The following IL1RAPL2 variants were observed in gnomAD, a reference collection of about 807,000 sequenced individuals.
IL1RAPL2 encodes X-linked interleukin-1 receptor accessory protein-like 2.
In IL1RAPL2, 3 loss-of-function variants were observed where a neutral mutation model predicts 44.1. That is an observed-to-expected ratio of 0.07 (90% CI 0.03 to 0.18). The LOEUF is 0.18. IL1RAPL2 is among the 10% of genes least tolerant of loss of function. IL1RAPL2 has a pLI of 1.00. For missense variants in IL1RAPL2, 391 were observed against 496.4 expected (o/e 0.79, Z 2.02); for synonymous variants, 181 against 178.8 (o/e 1.01, Z -0.10).
chrX:105,266,578 G>A (rs1341491401), intron 4 of IL1RAPL2, among the ~76,000 whole-genome samples: 1 of 111,904 alleles, frequency 8.9e-6, no homozygotes, highest in Non-Finnish European at 1.9e-5. Flanking sequence ...TTCTGGAAAA[G>A]TATTAAACAT....
At chrX:105,546,418 C>G (rs2147800559) in intron 6 of IL1RAPL2, among the ~76,000 whole-genome samples, 1 of 111,082 alleles carries the variant, frequency 9.0e-6, no homozygotes, top group African/African-American at 3.3e-5. Context: ...ACAAACAATA[C>G]AATGAGATCA....
chrX:104,882,846 G>A (rs1478382857), intron 2 of IL1RAPL2, among the ~76,000 whole-genome samples: 1 of 111,672 alleles, frequency 9.0e-6, no homozygotes, highest in African/African-American at 3.3e-5. Context: ...GAGAAGGTCT[G>A]TGGCTTCACT....
At chrX:105,181,615 C>T (rs1304088440) in intron 2 of IL1RAPL2, among the ~76,000 whole-genome samples, 1 of 111,925 alleles carries the variant, frequency 8.9e-6, no homozygotes, top group African/African-American at 3.2e-5. Context: ...TGCATTTGTA[C>T]AACTTCCAAA....
At chrX:104,802,897 A>G (rs955623212) in intron 2 of IL1RAPL2, among the ~76,000 whole-genome samples, 4 of 111,197 alleles carry the variant, frequency 3.6e-5, no homozygotes, top group African/African-American at 1.3e-4. Context: ...CACGTAAAAC[A>G]TGGTTACCCA....
At chrX:104,924,561 A>T (rs1330335057) in intron 2 of IL1RAPL2, among the ~76,000 whole-genome samples, 1 of 111,993 alleles carries the variant, frequency 8.9e-6, no homozygotes, top group African/African-American at 3.2e-5. Context: ...TCAAAGCTAC[A>T]CAAGTACATG....
intron 5 of IL1RAPL2, among the ~76,000 whole-genome samples, chrX:105,363,013 C>G (rs754023354): frequency 9.2e-6 from 1 of 108,495 alleles, no homozygotes; most frequent in African/African-American, 3.3e-5. Context: ...TGTCTTATCC[C>G]TTTTCCTCCC....
chrX:105,267,356 T>C (rs2034410950), intron 4 of IL1RAPL2, 32 bp from the exon 5 acceptor site: 1 of 1,170,541 alleles, frequency 8.5e-7, no homozygotes, highest in Non-Finnish European at 1.1e-6. Flanking sequence ...GAAATTCTAT[T>C]TTTTGCTTAC....
intron 6 of IL1RAPL2, among the ~76,000 whole-genome samples, chrX:105,628,826 C>A (rs1330625719): frequency 1.8e-5 from 2 of 110,904 alleles, no homozygotes; most frequent in Non-Finnish European, 3.8e-5. Flanking sequence ...TCTTGTAGTC[C>A]CAGCTACTTG....
intron 2 of IL1RAPL2, among the ~76,000 whole-genome samples, chrX:104,967,538 TAAG>T (rs1569353018): frequency 2.0e-4 from 22 of 108,544 alleles, no homozygotes; most frequent in African/African-American, 3.0e-4. Flanking sequence ...AAAAAGAAAA[TAAG>T]AGGAGGACAG....
intron 6 of IL1RAPL2, among the ~76,000 whole-genome samples, chrX:105,559,779 C>T (rs1406545229): frequency 3.6e-5 from 4 of 111,580 alleles, no homozygotes; most frequent in Admixed American, 9.6e-5. Context: ...CAAAACAACA[C>T]GATCTTTTTA....
chrX:105,093,300 C>T lies in IL1RAPL2; in HGVS notation c.83-102175C>T, dbSNP rs151230387. Among the ~76,000 whole-genome samples, 983 of 111,592 alleles carry T rather than the reference C, an allele frequency of 8.8e-3. 17 individuals are homozygous for T. The highest frequency in any genetic ancestry group is 0.03 in the African/African-American group (917 of 30,717). ...AAATAAAAATTGGAAATCCTTCCTA[C>T]GGCCATTTGCTTTTAAATATGAGCT... On this transcript the variant is annotated intron_variant, in intron 2 of 10. Coordinates refer to ENST00000372582, the MANE Select transcript of IL1RAPL2 (RefSeq NM_017416.2).
At chrX:104,654,612 C>G (rs1433969531) in intron 1 of IL1RAPL2, among the ~76,000 whole-genome samples, 1 of 111,448 alleles carries the variant, frequency 9.0e-6, no homozygotes, top group Non-Finnish European at 1.9e-5. Flanking sequence ...ACAGTGGTAC[C>G]TCCAGCTTTG....
chrX:105,211,919 A>C (rs782447904), intron 3 of IL1RAPL2, among the ~76,000 whole-genome samples: 6 of 112,067 alleles, frequency 5.4e-5, no homozygotes, highest in South Asian at 3.7e-4. Flanking sequence ...GTGAGGGACA[A>C]TGCTACCCAG....
chrX:105,074,748 G>C (rs1157035590), intron 2 of IL1RAPL2, among the ~76,000 whole-genome samples: 1 of 107,975 alleles, frequency 9.3e-6, no homozygotes. Context: ...CCTTGAAGAG[G>C]TTCTTCACAT....
chrX:104,886,703 T>C (rs1251986979), intron 2 of IL1RAPL2, among the ~76,000 whole-genome samples: 2 of 111,954 alleles, frequency 1.8e-5, no homozygotes. Flanking sequence ...CCTTCTTCTG[T>C]ATTCCCCTGC....
chrX:105,647,265 G>T (rs756982224), intron 6 of IL1RAPL2, among the ~76,000 whole-genome samples: 1 of 111,818 alleles, frequency 8.9e-6, no homozygotes, highest in Non-Finnish European at 1.9e-5. Flanking sequence ...GACAGCGAGC[G>T]AAAGCTCAGC....
At chrX:105,202,818 A>G (rs1556147657) in intron 3 of IL1RAPL2, among the ~76,000 whole-genome samples, 1 of 111,870 alleles carries the variant, frequency 8.9e-6, no homozygotes, top group Non-Finnish European at 1.9e-5. Flanking sequence ...CATCTATACT[A>G]TGCCTGCATC....
intron 2 of IL1RAPL2, among the ~76,000 whole-genome samples, chrX:104,823,556 A>T (rs1031833319): frequency 2.8e-5 from 3 of 107,678 alleles, no homozygotes; most frequent in Non-Finnish European, 5.8e-5. Flanking sequence ...GCCGCAATAA[A>T]CATACGTGTG....
At chrX:105,440,059 A>G (rs1196685688) in intron 5 of IL1RAPL2, among the ~76,000 whole-genome samples, 1 of 111,916 alleles carries the variant, frequency 8.9e-6, no homozygotes, top group Non-Finnish European at 1.9e-5. Context: ...ATACCAGCTC[A>G]GAAAACATCC....
Sources: gnomAD v4.1 joint callset for allele counts (sites outside exome capture counted in the v4.1 genomes callset) on GRCh38, gnomAD v4.1.1 for gene constraint, MANE v1.5 for transcripts, NCBI Gene and HGNC (gene_info 2026-07-23, HGNC 2026-07-21) for gene names.